Variants in CACNB3 observed in about 807,000 individuals in gnomAD.
The protein encoded by CACNB3 is voltage-dependent L-type calcium channel subunit beta-3.
Under a neutral mutation model 63.7 loss-of-function variants are expected in CACNB3, and 36 were observed. The observed-to-expected ratio is 0.57, with a 90% CI of 0.43 to 0.75. CACNB3 has a LOEUF of 0.75. CACNB3 is among the 30% of genes least tolerant of loss of function. The probability of loss-of-function intolerance (pLI) is 0.00; values close to 1 mark genes in which losing one functional copy is unlikely to be tolerated. For synonymous variants in CACNB3, 241 were observed against 250.6 expected (o/e 0.96, Z 0.36); for missense variants, 493 against 648.6 (o/e 0.76, Z 2.61).
intron 1 of CACNB3, chr12:48,821,615 G>A (rs1053795682): frequency 4.6e-5 from 7 of 152,212 alleles, no homozygotes; most frequent in Non-Finnish European, 8.8e-5. Context: ...GTACCAAAGC[G>A]AGTGGTCATC....
chr12:48,827,679 A>G lies in CACNB3; in HGVS notation c.1235A>G (p.Gln412Arg). The change falls in exon 13 of 13, where the codon CAA (glutamine) becomes CGA (arginine). Residue 412 changes from glutamine (Q) to arginine (R), a missense_variant. Physicochemically the swap from Gln to Arg is conservative, Grantham distance 43. Coordinates refer to ENST00000301050, the MANE Select transcript of CACNB3 (RefSeq NM_000725.4). ...GATGAGGCCAGCGAGAGCTCCCGCC[A>G]AGCCTGGACAGGATCTTCACAGCGT... ...PSDEASESSRQAWTGSSQRSS... is the reference protein window; with the variant it reads ...PSDEASESSRRAWTGSSQRSS... 2 of 1,614,006 alleles carry G rather than the reference A, an allele frequency of 1.2e-6. No homozygotes were observed. Among genetic ancestry groups the G allele is most frequent in the Non-Finnish European group, 1.7e-6 (2 of 1,180,006 alleles).
Position 48,827,577 on chromosome 12 carries a change from GC to G in CACNB3, c.1141-3del. ...CTGCCTCACTGAGAGCTGTTGTATG[GC>G]CCCCAGAACCAGCAGCTGCTGGGGG... On this transcript the variant is annotated splice_polypyrimidine_tract_variant and splice_region_variant and intron_variant, in intron 12 of 12. Transcript: ENST00000301050. The G allele has an allele frequency of 1.2e-6, 2 of 1,609,946 alleles. No homozygotes were observed. The highest frequency in any genetic ancestry group is 1.7e-6 in the Non-Finnish European group (2 of 1,177,922).
chr12:48,816,584 C>T (rs1469245354), upstream of CACNB3, among the ~76,000 whole-genome samples: 3 of 152,208 alleles, frequency 2.0e-5, no homozygotes, highest in African/African-American at 7.2e-5. Flanking sequence ...AGGAGGGAAG[C>T]TCTGAAGCTA....
At chr12:48,819,211 C>G (rs1405534650) in intron 1 of CACNB3, among the ~76,000 whole-genome samples, 1 of 151,948 alleles carries the variant, frequency 6.6e-6, no homozygotes, top group Non-Finnish European at 1.5e-5. Flanking sequence ...GGGAAGGGCT[C>G]AAGCAGGTGG....
chr12:48,818,305 C>T, upstream of CACNB3: 1 of 211,132 alleles, frequency 4.7e-6, no homozygotes, highest in Non-Finnish European at 8.2e-6. The surrounding 1 kb of genome is among the most constrained non-coding windows in gnomAD (Gnocchi z 4.3). Context: ...CCGGTTTCCT[C>T]GACACCTGCG....
At position 48,827,997 on chromosome 12, in the gene CACNB3, G is replaced by A; in HGVS notation, c.*98G>A. On this transcript the variant is annotated 3_prime_UTR_variant, in exon 13 of 13. Coordinates refer to ENST00000301050, the MANE Select transcript of CACNB3 (RefSeq NM_000725.4). ...TTAGACTGGCATCAGGCTGGCACTA[G>A]GCTCAGCCCCCAAAACCCCCTGCCC... 3 of 1,061,820 alleles carry A rather than the reference G, an allele frequency of 2.8e-6. No homozygotes were observed. The highest frequency in any genetic ancestry group is 2.8e-6 in the Non-Finnish European group (2 of 723,920). The allele number at this position is 1,061,820 out of a possible 1,614,324, so 65.8% of individuals were successfully genotyped here.
upstream of CACNB3, among the ~76,000 whole-genome samples, chr12:48,818,140 G>A (rs1019896650): frequency 6.6e-6 from 1 of 152,326 alleles, no homozygotes; most frequent in South Asian, 2.1e-4. This position sits in a 1 kb window ranked among gnomAD's most constrained non-coding sequence, Gnocchi z 4.3. Flanking sequence ...CCACTGCGGG[G>A]TTTGCTTTCG....
chr12:48,814,815 TGCC>T (rs905013985), upstream of CACNB3: 7 of 381,746 alleles, frequency 1.8e-5, no homozygotes, highest in African/African-American at 4.2e-5. The surrounding 1 kb of genome is among the most constrained non-coding windows in gnomAD (Gnocchi z 6.9). Flanking sequence ...CACCAGGCGG[TGCC>T]GCCACCTGGA....
rs758823619 is a variant in CACNB3, at chr12:48,824,250, G to GC, written c.292-3dup. On this transcript the variant is annotated splice_polypyrimidine_tract_variant and splice_region_variant and intron_variant, in intron 3 of 12. Transcript: ENST00000301050. ...CTCACCACCCCTTCCTGCTCCACCT[G>GC]CCCCCAGAAGTACAGCAATGACTGG... The GC allele has an allele frequency of 1.4e-5, 23 of 1,607,466 alleles. No homozygotes were observed. The East Asian group carries it at 4.5e-4, about 31-fold the overall frequency.
In CACNB3 at chr12:48,825,787, C is replaced by G. The variant is rs762524391; in HGVS notation, c.742+18C>G. On this transcript the variant is annotated intron_variant, in intron 9 of 12. Transcript: ENST00000301050. This position sits in a 1 kb window ranked among gnomAD's most constrained non-coding sequence, Gnocchi z 4.5. ...CAGCATTGGTGAGAAGTCCCCACCA[C>G]CTGCTTCTGTGCCCACTCAAGTGCC... The G allele has an allele frequency of 1.3e-6, 2 of 1,561,098 alleles. No individual in the cohort carries two copies. The highest frequency in any genetic ancestry group is 4.5e-5 in the East Asian group (2 of 44,530).
In CACNB3 at chr12:48,818,848, GGGCGC is replaced by G. The variant is rs1323279946; in HGVS notation, c.-78_-74del. On this transcript the variant is annotated 5_prime_UTR_variant, in exon 1 of 13. Transcript: ENST00000301050. This position sits in a 1 kb window ranked among gnomAD's most constrained non-coding sequence, Gnocchi z 4.3. ...GCTGCGGGGCTCGGTGGCATCTCCC[GGGCGC>G]GGCCCGCAGTCCTTGCCCCTGCCTC... The G allele has an allele frequency of 6.9e-7, 1 of 1,441,976 alleles. No homozygotes were observed. The highest frequency in any genetic ancestry group is 1.5e-5 in the African/African-American group (1 of 66,202). The allele number at this position is 1,441,976 out of a possible 1,614,324, so 89.3% of individuals were successfully genotyped here. A position where few individuals can be genotyped will look rare whatever the true frequency, so the allele number is the denominator to read the frequency against.
In CACNB3 at chr12:48,826,019, G is replaced by C. The variant is rs922564762; in HGVS notation, c.742+250G>C. 1.3e-5 allele frequency among the ~76,000 whole-genome samples: 2 copies of C among 152,114 alleles called. No individual in the cohort carries two copies. Among genetic ancestry groups the C allele is most frequent in the Admixed American group, 6.6e-5 (1 of 15,266 alleles). Reference sequence around the variant, plus strand: ...AATTTTTGCATTTTTAGTAGACGTGGGGTTTCACCATGTTGGCCAGGCTGG... The same window carrying C: ...AATTTTTGCATTTTTAGTAGACGTGCGGTTTCACCATGTTGGCCAGGCTGG... On this transcript the variant is annotated intron_variant, in intron 9 of 12. Transcript: ENST00000301050. This position sits in a 1 kb window ranked among gnomAD's most constrained non-coding sequence, Gnocchi z 4.8.
chr12:48,816,935 G>C (rs927559877), upstream of CACNB3: 26 of 985,360 alleles, frequency 2.6e-5, no homozygotes, highest in African/African-American at 4.2e-4. Context: ...CCAGGCCCCT[G>C]AAAGAAGGAA....
At chr12:48,815,620 G>T, upstream of CACNB3, 1 of 1,534,240 alleles carries the variant, frequency 6.5e-7, no homozygotes, top group Non-Finnish European at 8.7e-7. Flanking sequence ...GCAGAGCAGC[G>T]GCCGGGTTTT....
At chr12:48,815,749 G>A, upstream of CACNB3, 1 of 1,342,176 alleles carries the variant, frequency 7.5e-7, no homozygotes, top group Non-Finnish European at 1.0e-6. Context: ...GGGGGGTGTG[G>A]GGTCGTGGGA....
upstream of CACNB3, among the ~76,000 whole-genome samples, chr12:48,816,563 A>G (rs1942292539): frequency 6.6e-6 from 1 of 152,210 alleles, no homozygotes; most frequent in Non-Finnish European, 1.5e-5. Flanking sequence ...CAACCCAGAG[A>G]TATGAGAAGA....
Position 48,824,723 on chromosome 12 carries a change from G to A in CACNB3, c.462G>A (p.Pro154=), listed in dbSNP as rs1128344. 2.9e-5 allele frequency: 46 copies of A among 1,613,212 alleles called. No individual in the cohort carries two copies. The highest frequency in any genetic ancestry group is 1.3e-4 in the Admixed American group (8 of 59,900). Residue 154 remains proline, a synonymous_variant, in exon 5 of 13, where the codon CCG becomes CCA. Coordinates refer to ENST00000301050, the MANE Select transcript of CACNB3 (RefSeq NM_000725.4). ...LSDIGNRRSP[P]PSLAKQKQKQ... ...ACATTGGCAACCGACGCTCCCCTCCGCCATCTCTAGGTAGCCTCCCCCCAA... is the reference window on the plus strand; with the variant it reads ...ACATTGGCAACCGACGCTCCCCTCCACCATCTCTAGGTAGCCTCCCCCCAA...
rs766922821 is a variant in CACNB3, at chr12:48,826,934, TG to T, written c.991-39del. ...ATAGAGATGGGTGGGGGGCTGCTAC[TG>T]AGGGGAAACCAACGTTGCGCCTTCC... On this transcript the variant is annotated intron_variant, in intron 11 of 12. Coordinates refer to ENST00000301050, the MANE Select transcript of CACNB3 (RefSeq NM_000725.4). The surrounding 1 kb of genome is among the most constrained non-coding windows in gnomAD (Gnocchi z 4.8). The T allele has an allele frequency of 4.3e-6, 7 of 1,613,486 alleles. No homozygotes were observed. In the Admixed American group the frequency reaches 1.2e-4, roughly 27 times the overall value.
chr12:48,818,505 C>G lies in CACNB3; in HGVS notation c.-425C>G. ...GCCCGCAGCCTCTCCTCCCCTTCCT[C>G]CCCGCCGCCACGGCCCCGTAGGTGC... On this transcript the variant is annotated 5_prime_UTR_variant, in exon 1 of 13. Coordinates refer to ENST00000301050, the MANE Select transcript of CACNB3 (RefSeq NM_000725.4). The surrounding 1 kb of genome is among the most constrained non-coding windows in gnomAD (Gnocchi z 4.3). 1.0e-6 allele frequency: 1 copy of G among 1,003,908 alleles called. No individual in the cohort carries two copies. 62.2% of individuals were successfully genotyped at this position (1,003,908 alleles called of 1,614,324 possible).
Sources: gnomAD v4.1 joint callset for allele counts (sites outside exome capture counted in the v4.1 genomes callset) on GRCh38, gnomAD v4.1.1 for gene constraint, Gnocchi (gnomAD v3.1) non-coding constraint, MANE v1.5 for transcripts, NCBI Gene and HGNC (gene_info 2026-07-23, HGNC 2026-07-21) for gene names.